Variants in CNTN1 observed in about 807,000 individuals in gnomAD.
CNTN1 encodes contactin 1, also known as contactin-1.
In CNTN1, 38 loss-of-function variants were observed where a neutral mutation model predicts 126.4. The ratio of observed to expected loss-of-function variants is 0.30; its 90% CI spans 0.23 to 0.39. CNTN1 has a LOEUF of 0.39. Among genes scored for constraint, CNTN1 ranks in the 10% least tolerant of loss-of-function variants. CNTN1 has a pLI of 1.00. For missense variants in CNTN1, 1,009 were observed against 1,248.4 expected (o/e 0.81, Z 2.89); for synonymous variants, 413 against 422.6 (o/e 0.98, Z 0.28).
At chr12:40,797,566 A>G (rs1345380709) in intron 1 of CNTN1, among the ~76,000 whole-genome samples, 1 of 152,072 alleles carries the variant, frequency 6.6e-6, no homozygotes, top group African/African-American at 2.4e-5. Context: ...AAGACATAGC[A>G]TAGCATCATA....
In CNTN1 at chr12:40,772,011, G is replaced by T. The variant is rs796613230; in HGVS notation, c.-77+79419G>T. ...CTCCTTAGATTTCTCAGAAAATTATGCTTGTAACTTTATATGGTCAAGTAA... is the reference window on the plus strand; with the variant it reads ...CTCCTTAGATTTCTCAGAAAATTATTCTTGTAACTTTATATGGTCAAGTAA... On this transcript the variant is annotated intron_variant, in intron 1 of 23. Transcript: ENST00000551295. 7.2e-5 allele frequency among the ~76,000 whole-genome samples: 11 copies of T among 151,900 alleles called. No homozygotes were observed. The South Asian group carries it at 1.2e-3, about 17-fold the overall frequency.
chr12:41,021,715 C>T (rs1948917666), intron 20 of CNTN1, among the ~76,000 whole-genome samples: 1 of 147,562 alleles, frequency 6.8e-6, no homozygotes, highest in Admixed American at 6.8e-5. Flanking sequence ...TGCAAGGGTT[C>T]AGCTGAATTT....
intron 1 of CNTN1, among the ~76,000 whole-genome samples, chr12:40,769,509 A>G (rs974431047): frequency 6.6e-6 from 1 of 152,186 alleles, no homozygotes; most frequent in South Asian, 2.1e-4. Context: ...GTTTAATGAT[A>G]TTTATTCTGA....
intron 7 of CNTN1, among the ~76,000 whole-genome samples, chr12:40,930,505 C>T (rs1027405643): frequency 3.3e-5 from 5 of 151,966 alleles, no homozygotes; most frequent in Non-Finnish European, 7.4e-5. Context: ...GCATGAGGTG[C>T]TACCCTGGTA....
chr12:41,056,946 A>G (rs1479590518), intron 23 of CNTN1, among the ~76,000 whole-genome samples: 3 of 92,084 alleles, frequency 3.3e-5, no homozygotes, highest in Non-Finnish European at 6.7e-5. Flanking sequence ...AATATTTATA[A>G]TATTTAGATA....
intron 1 of CNTN1, among the ~76,000 whole-genome samples, chr12:40,718,167 T>C (rs764725638): frequency 7.2e-5 from 11 of 151,800 alleles, no homozygotes; most frequent in Admixed American, 4.6e-4. Context: ...TCATGAAAGG[T>C]TTTTTGTTTT....
chr12:40,846,217 G>A (rs1429932045), intron 1 of CNTN1, among the ~76,000 whole-genome samples: 1 of 152,196 alleles, frequency 6.6e-6, no homozygotes, highest in Non-Finnish European at 1.5e-5. Flanking sequence ...GCTCACGCCT[G>A]TAATCCCAGC....
chr12:40,985,674 A>T (rs978390324), intron 16 of CNTN1, among the ~76,000 whole-genome samples: 3 of 152,098 alleles, frequency 2.0e-5, no homozygotes, highest in Non-Finnish European at 4.4e-5. Flanking sequence ...GATAAAATGC[A>T]TTTATCCTAA....
chr12:40,839,742 T>C (rs1338545935), intron 1 of CNTN1, among the ~76,000 whole-genome samples: 1 of 152,102 alleles, frequency 6.6e-6, no homozygotes, highest in Admixed American at 6.6e-5. Flanking sequence ...CCATAACCAC[T>C]AGACCAGTCC....
chr12:40,986,647 T>C (rs1209329031), intron 16 of CNTN1, among the ~76,000 whole-genome samples: 2 of 152,042 alleles, frequency 1.3e-5, no homozygotes, highest in African/African-American at 4.8e-5. Context: ...CTCCTTCTCT[T>C]CCCTTAGACT....
chr12:40,743,789 A>C (rs1342967691), intron 1 of CNTN1, among the ~76,000 whole-genome samples: 1 of 151,962 alleles, frequency 6.6e-6, no homozygotes, highest in African/African-American at 2.4e-5. Flanking sequence ...TCTTTAGTTT[A>C]ATTAAGTCCC....
intron 11 of CNTN1, among the ~76,000 whole-genome samples, chr12:40,938,958 T>G (rs934075579): frequency 3.9e-5 from 6 of 151,992 alleles, no homozygotes; most frequent in Non-Finnish European, 8.8e-5. Flanking sequence ...GTATTTTAGG[T>G]AGAGATGGAG....
At chr12:41,017,294 G>A (rs138189250) in intron 19 of CNTN1, among the ~76,000 whole-genome samples, 3,832 of 151,156 alleles carry the variant, frequency 0.025, 156 homozygotes, top group African/African-American at 0.088. Context: ...TAATATGGCC[G>A]GGCGTGGTGG....
chr12:41,001,907 CAGCTTTTTCAAAAATCAGAT>C (rs1948368985), intron 17 of CNTN1, among the ~76,000 whole-genome samples: 1 of 152,080 alleles, frequency 6.6e-6, no homozygotes, highest in Non-Finnish European at 1.5e-5. Flanking sequence ...TTGTTTTTGT[CAGCTTTTTCAAAAATCAGAT>C]AGCTGTAAGT....
intron 1 of CNTN1, among the ~76,000 whole-genome samples, chr12:40,713,892 A>C (rs1469937306): frequency 1.3e-5 from 2 of 151,980 alleles, no homozygotes; most frequent in African/African-American, 2.4e-5. Context: ...ACAGAATCAT[A>C]CCTTTTTCCC....
At chr12:40,927,244 A>G (rs1945727856) in intron 6 of CNTN1, among the ~76,000 whole-genome samples, 1 of 152,100 alleles carries the variant, frequency 6.6e-6, no homozygotes, top group Non-Finnish European at 1.5e-5. Context: ...AATCCGAGGA[A>G]AACAGATAGC....
intron 23 of CNTN1, among the ~76,000 whole-genome samples, chr12:41,042,244 C>T (rs1403332785): frequency 6.6e-6 from 1 of 151,998 alleles, no homozygotes; most frequent in African/African-American, 2.4e-5. Flanking sequence ...GTTTCTTAAT[C>T]CTGAGTTCTA....
At chr12:40,785,390 G>A (rs933350307) in intron 1 of CNTN1, among the ~76,000 whole-genome samples, 1 of 152,136 alleles carries the variant, frequency 6.6e-6, no homozygotes, top group African/African-American at 2.4e-5. Context: ...GGGGGTGAGA[G>A]AGAAGGGGGA....
At chr12:40,852,976 A>G (rs1439380257) in intron 1 of CNTN1, among the ~76,000 whole-genome samples, 1 of 151,946 alleles carries the variant, frequency 6.6e-6, no homozygotes, top group African/African-American at 2.4e-5. Context: ...TTTTTCAATA[A>G]TGGCTGGACT....
Sources: allele counts gnomAD v4.1 joint callset (sites outside exome capture counted in the v4.1 genomes callset), GRCh38; gene constraint gnomAD v4.1.1; transcripts MANE v1.5; gene names NCBI Gene and HGNC (gene_info 2026-07-23, HGNC 2026-07-21).